The following TENM1 variants were observed in gnomAD, a reference collection of about 807,000 sequenced individuals.
TENM1 encodes the protein teneurin-1.
TENM1 carries 35 observed loss-of-function variants against 174.8 expected under a neutral mutation model. The ratio of observed to expected loss-of-function variants is 0.20; its 90% confidence interval spans 0.15 to 0.27. The LOEUF is 0.27. Ranked by LOEUF, TENM1 falls within the 10% of genes least tolerant of loss-of-function variation. The pLI is 1.00. For synonymous variants in TENM1, 781 were observed against 798.7 expected, an observed-to-expected ratio of 0.98 and a Z score of 0.37; for missense variants, 1,633 against 2,130.1, an observed-to-expected ratio of 0.77 and a Z score of 4.59.
At chrX:125,163,802 G>A in the TENM1 span, among the ~76,000 whole-genome samples, 1 of 111,313 alleles carries the variant, frequency 9.0e-6, no homozygotes, top group East Asian at 2.8e-4. Context: ...TATACTATGT[G>A]TGTCTTGTCA....
chrX:124,940,927 T>C (rs920342211), intron 1 of TENM1, among the ~76,000 whole-genome samples: 2 of 111,772 alleles, frequency 1.8e-5, no homozygotes, highest in Non-Finnish European at 3.8e-5. Context: ...AAGTATTCAT[T>C]CATTCATACT....
At chrX:124,952,089 G>T (rs1158121487) in intron 1 of TENM1, among the ~76,000 whole-genome samples, 2 of 111,044 alleles carry the variant, frequency 1.8e-5, no homozygotes, top group African/African-American at 6.5e-5. Flanking sequence ...CATAAAGCTT[G>T]CCAACCACTA....
intron 5 of TENM1, among the ~76,000 whole-genome samples, chrX:124,697,278 A>G (rs961823783): frequency 9.0e-6 from 1 of 111,410 alleles, no homozygotes; most frequent in African/African-American, 3.3e-5. Flanking sequence ...GTAGAAAATT[A>G]CAGTGAGCCA....
At chrX:124,553,356 C>T (rs995635713) in intron 14 of TENM1, among the ~76,000 whole-genome samples, 2 of 108,666 alleles carry the variant, frequency 1.8e-5, no homozygotes, top group African/African-American at 6.7e-5. Flanking sequence ...AATAATTAGC[C>T]GGGCGTGGTG....
intron 3 of TENM1, among the ~76,000 whole-genome samples, chrX:124,801,932 G>A (rs905500301): frequency 8.9e-6 from 1 of 111,749 alleles, no homozygotes; most frequent in East Asian, 2.8e-4. Flanking sequence ...CTTCTGGCTT[G>A]TATGGTTTCT....
In TENM1 at chrX:124,625,998, G is replaced by C. The variant is rs149677669; in HGVS notation, c.2077+15793C>G. On this transcript the variant is annotated intron_variant, in intron 11 of 31. Transcript: ENST00000422452. ...ATGTATATATATGTCAAAATATCAT[G>C]TTGTATACCATAAATATATACAATT... Among the ~76,000 whole-genome samples, 573 of 111,027 alleles carry C rather than the reference G, an allele frequency of 5.2e-3. 5 individuals carry two copies. Among genetic ancestry groups the C allele is most frequent in the African/African-American group, 0.018 (541 of 30,514 alleles).
intron 5 of TENM1, among the ~76,000 whole-genome samples, chrX:124,701,072 T>C (rs933789709): frequency 1.8e-5 from 2 of 111,522 alleles, no homozygotes; most frequent in African/African-American, 6.5e-5. Flanking sequence ...ATATCCATTG[T>C]GGTCAGCTTT....
intron 20 of TENM1, among the ~76,000 whole-genome samples, chrX:124,496,220 C>T (rs1469405363): frequency 3.6e-5 from 4 of 111,276 alleles, no homozygotes; most frequent in Non-Finnish European, 5.7e-5. Context: ...AAAATCAATT[C>T]AAGATGGATT....
chrX:125,148,501 A>G, the TENM1 span, among the ~76,000 whole-genome samples: 1 of 111,263 alleles, frequency 9.0e-6, no homozygotes, highest in Admixed American at 9.6e-5. Context: ...TTCTTATTCT[A>G]TATGCTTTCA....
chrX:124,657,185 C>T (rs1311894828), intron 6 of TENM1, among the ~76,000 whole-genome samples: 1 of 111,734 alleles, frequency 8.9e-6, no homozygotes, highest in African/African-American at 3.3e-5. Context: ...ACCATATTCT[C>T]CAGTTATAGA....
chrX:124,474,886 AC>A (rs765705429), intron 22 of TENM1, among the ~76,000 whole-genome samples: 5 of 111,887 alleles, frequency 4.5e-5, no homozygotes, highest in Admixed American at 3.8e-4. Flanking sequence ...TGAGACAGAA[AC>A]CCCCCCTAAA....
chrX:124,840,230 T>C (rs6649291), intron 3 of TENM1, among the ~76,000 whole-genome samples: 5,178 of 111,597 alleles, frequency 0.046, 186 homozygotes, highest in African/African-American at 0.12. Flanking sequence ...GATTCTCTTA[T>C]GGGCAAAAAC....
intron 3 of TENM1, among the ~76,000 whole-genome samples, chrX:124,844,848 C>T (rs1449381035): frequency 2.7e-5 from 3 of 111,474 alleles, no homozygotes; most frequent in Admixed American, 9.5e-5. Context: ...CTCCCTGTCA[C>T]TCCTGACCCC....
At chrX:124,764,011 C>A (rs142795897) in intron 3 of TENM1, among the ~76,000 whole-genome samples, 2 of 112,060 alleles carry the variant, frequency 1.8e-5, no homozygotes, top group Non-Finnish European at 3.8e-5. Flanking sequence ...TTGAATCCAA[C>A]GTTTATAAAG....
At chrX:124,504,608 G>A (rs933179937) in intron 18 of TENM1, among the ~76,000 whole-genome samples, 1 of 111,280 alleles carries the variant, frequency 9.0e-6, no homozygotes, top group Admixed American at 9.6e-5. Flanking sequence ...TCATTATACT[G>A]CATATCCTGA....
intron 1 of TENM1, among the ~76,000 whole-genome samples, chrX:124,896,573 ATTTCT>A (rs1464037570): frequency 3.6e-5 from 4 of 111,637 alleles, no homozygotes; most frequent in Admixed American, 9.5e-5. Context: ...TTTAAAAGAT[ATTTCT>A]TTTCTAGGAA....
chrX:125,132,634 T>C, the TENM1 span, among the ~76,000 whole-genome samples: 4 of 112,024 alleles, frequency 3.6e-5, no homozygotes, highest in African/African-American at 6.5e-5. Context: ...CTTATACATA[T>C]TATCTCATTA....
At chrX:125,160,569 ACAG>A in the TENM1 span, among the ~76,000 whole-genome samples, 3 of 100,023 alleles carry the variant, frequency 3.0e-5, no homozygotes, top group Non-Finnish European at 4.1e-5. Flanking sequence ...AAAAAAAAAA[ACAG>A]AGAGAGAGAG....
At chrX:124,813,702 A>T (rs2055834198) in intron 3 of TENM1, among the ~76,000 whole-genome samples, 1 of 111,384 alleles carries the variant, frequency 9.0e-6, no homozygotes, top group Non-Finnish European at 1.9e-5. Context: ...ATGTGATTGT[A>T]TATTTACAGA....
Sources: gnomAD v4.1 joint callset for allele counts (sites outside exome capture counted in the v4.1 genomes callset) on GRCh38, gnomAD v4.1.1 for gene constraint, MANE v1.5 for transcripts, NCBI Gene and HGNC (gene_info 2026-07-23, HGNC 2026-07-21) for gene names.